Variants in ARHGAP44 observed in about 807,000 individuals in gnomAD.
ARHGAP44 encodes the protein Rho GTPase activating protein 44.
In ARHGAP44, 43 loss-of-function variants were observed where a neutral mutation model predicts 106.8. The ratio of observed to expected loss-of-function variants is 0.40; its 90% CI spans 0.32 to 0.52. The LOEUF (loss-of-function observed/expected upper bound fraction) is 0.52. Ranked by LOEUF, ARHGAP44 falls within the 20% of genes least tolerant of loss-of-function variation. ARHGAP44 has a pLI of 0.48. For missense variants in ARHGAP44, 866 were observed against 1,050.5 expected (o/e 0.82, Z 2.43); for synonymous variants, 439 against 410.3 (o/e 1.07, Z -0.85).
At chr17:12,810,259 C>A (rs957431311) in intron 1 of ARHGAP44, among the ~76,000 whole-genome samples, 2 of 152,162 alleles carry the variant, frequency 1.3e-5, no homozygotes, top group Admixed American at 1.3e-4. Flanking sequence ...TTTATTCTTG[C>A]ACAGTTCTGC....
chr17:12,933,078 T>C (rs767226786), intron 7 of ARHGAP44, among the ~76,000 whole-genome samples: 3 of 152,178 alleles, frequency 2.0e-5, no homozygotes, highest in Non-Finnish European at 4.4e-5. Context: ...TTAATGCTGG[T>C]TTTGTTAAAG....
chr17:12,894,413 A>G (rs1464909658), intron 1 of ARHGAP44, among the ~76,000 whole-genome samples: 1 of 152,176 alleles, frequency 6.6e-6, no homozygotes, highest in African/African-American at 2.4e-5. Flanking sequence ...AGCTGGGACC[A>G]GTTCCTCCAG....
chr17:12,918,085 TC>T (rs1045523966), intron 5 of ARHGAP44, among the ~76,000 whole-genome samples: 2 of 152,148 alleles, frequency 1.3e-5, no homozygotes, highest in Admixed American at 1.3e-4. Flanking sequence ...ATTCACGAGG[TC>T]CCCTCTGTGC....
intron 1 of ARHGAP44, among the ~76,000 whole-genome samples, chr17:12,815,979 G>A (rs2034585953): frequency 6.6e-6 from 1 of 152,160 alleles, no homozygotes; most frequent in Non-Finnish European, 1.5e-5. Context: ...GGGAGACTGG[G>A]CTTTTAGTGG....
chr17:12,880,189 C>A (rs1216767765), intron 1 of ARHGAP44, among the ~76,000 whole-genome samples: 1 of 151,836 alleles, frequency 6.6e-6, no homozygotes, highest in Non-Finnish European at 1.5e-5. Context: ...TGTTAATTTT[C>A]ATATTATTTA....
intron 7 of ARHGAP44, among the ~76,000 whole-genome samples, chr17:12,931,027 T>G (rs1470048094): frequency 6.6e-6 from 1 of 152,214 alleles, no homozygotes; most frequent in African/African-American, 2.4e-5. Context: ...TACATAGTCA[T>G]AGCATTTTTC....
intron 16 of ARHGAP44, among the ~76,000 whole-genome samples, chr17:12,970,604 T>C (rs957506811): frequency 3.3e-5 from 5 of 152,210 alleles, no homozygotes; most frequent in African/African-American, 9.7e-5. Flanking sequence ...AGCAGAAGCC[T>C]GGGAAATCTT....
intron 1 of ARHGAP44, among the ~76,000 whole-genome samples, chr17:12,801,838 CT>C (rs1191151221): frequency 3.3e-5 from 5 of 150,512 alleles, no homozygotes; most frequent in African/African-American, 1.2e-4. Context: ...GCTGCTTATG[CT>C]TTTTTTTAAC....
chr17:12,941,516 A>C (rs1263060735), intron 8 of ARHGAP44, among the ~76,000 whole-genome samples: 1 of 152,184 alleles, frequency 6.6e-6, no homozygotes, highest in Non-Finnish European at 1.5e-5. Context: ...CCCCCACACC[A>C]ATGAATTATC....
chr17:12,829,293 C>G (rs1181982396), intron 1 of ARHGAP44, among the ~76,000 whole-genome samples: 1 of 152,058 alleles, frequency 6.6e-6, no homozygotes, highest in African/African-American at 2.4e-5. Flanking sequence ...GATGTAACAA[C>G]TTTCCTTTCC....
chr17:12,894,164 CTG>C (rs2150917790), intron 1 of ARHGAP44, among the ~76,000 whole-genome samples: 1 of 152,148 alleles, frequency 6.6e-6, no homozygotes, highest in East Asian at 1.9e-4. Flanking sequence ...TCTTCTTTCT[CTG>C]TACTCTTAAA....
chr17:12,818,868 G>A (rs755615260), intron 1 of ARHGAP44, among the ~76,000 whole-genome samples: 75 of 152,060 alleles, frequency 4.9e-4, no homozygotes, highest in Admixed American at 6.5e-4. Context: ...TATAGGTTTC[G>A]TGCAATTCCC....
intron 3 of ARHGAP44, among the ~76,000 whole-genome samples, chr17:12,902,652 T>A (rs901707475): frequency 3.3e-5 from 5 of 152,182 alleles, no homozygotes; most frequent in African/African-American, 1.2e-4. Context: ...AGCATGCCCT[T>A]CCTTTTCTGT....
rs2038383200 is a variant in ARHGAP44, at chr17:12,931,036, TC to T, written c.582+1991del. 2.6e-5 allele frequency among the ~76,000 whole-genome samples: 4 copies of T among 152,314 alleles called. No homozygotes were observed. The South Asian group carries it at 8.3e-4, about 32-fold the overall frequency. On this transcript the variant is annotated intron_variant, in intron 7 of 20. Coordinates refer to ENST00000379672, the MANE Select transcript of ARHGAP44 (RefSeq NM_014859.6). ...TAATCATACATAGTCATAGCATTTT[TC>T]TAGTTATTTATATGTTTGTTTGTTT...
intron 3 of ARHGAP44, among the ~76,000 whole-genome samples, chr17:12,905,090 T>C (rs1250654374): frequency 1.3e-5 from 2 of 150,476 alleles, no homozygotes; most frequent in African/African-American, 4.9e-5. Context: ...TTTTTTGTAT[T>C]TTTAGAAGAG....
chr17:12,976,612 CAAA>C (rs59099893), intron 18 of ARHGAP44, among the ~76,000 whole-genome samples: 13 of 85,064 alleles, frequency 1.5e-4, no homozygotes, highest in East Asian at 2.9e-4. Context: ...GACTCTGTGT[CAAA>C]AAAAAAAAAA....
At chr17:12,962,417 A>G (rs2039285212) in intron 16 of ARHGAP44, among the ~76,000 whole-genome samples, 1 of 152,230 alleles carries the variant, frequency 6.6e-6, no homozygotes, top group Non-Finnish European at 1.5e-5. Context: ...CCAAAGAAAA[A>G]TAGATCTAAA....
intron 1 of ARHGAP44, among the ~76,000 whole-genome samples, chr17:12,815,051 C>G (rs1018647190): frequency 2.6e-5 from 4 of 152,134 alleles, no homozygotes; most frequent in Non-Finnish European, 4.4e-5. Flanking sequence ...ACCTCCCCCA[C>G]CACCTGCTTT....
intron 1 of ARHGAP44, among the ~76,000 whole-genome samples, chr17:12,827,888 A>T (rs1403408078): frequency 6.6e-6 from 1 of 151,966 alleles, no homozygotes; most frequent in African/African-American, 2.4e-5. Context: ...AAAATACGAA[A>T]ATCAGCCAGG....
Sources: gnomAD v4.1 joint callset for allele counts (sites outside exome capture counted in the v4.1 genomes callset) on GRCh38, gnomAD v4.1.1 for gene constraint, MANE v1.5 for transcripts, NCBI Gene and HGNC (gene_info 2026-07-23, HGNC 2026-07-21) for gene names.